GSE1: variants seen among roughly 807,000 people sequenced by gnomAD.
GSE1 encodes the protein Gse1 coiled-coil protein, also known as genetic suppressor element 1.
GSE1 carries 32 observed loss-of-function variants against 112.6 expected under a neutral mutation model. That is an observed-to-expected ratio of 0.28 (90% confidence interval 0.21 to 0.38). The LOEUF is 0.38. Ranked by LOEUF, GSE1 falls within the 10% of genes least tolerant of loss-of-function variation. The pLI, the probability that GSE1 is intolerant of heterozygous loss-of-function variation, is 1.00. For missense variants in GSE1, 2,348 were observed against 1,699.2 expected, an observed-to-expected ratio of 1.38 and a Z score of -6.71; for synonymous variants, 1,115 against 735.6, an observed-to-expected ratio of 1.52 and a Z score of -8.35.
At chr16:85,400,914 T>C (rs111652603) in intron 2 of GSE1, among the ~76,000 whole-genome samples, 26 of 152,272 alleles carry the variant, frequency 1.7e-4, no homozygotes, top group African/African-American at 4.3e-4. Context: ...TCTGTGTGTG[T>C]GCGGAAGGGG....
intron 1 of GSE1, among the ~76,000 whole-genome samples, chr16:85,326,657 T>A (rs2046233273): frequency 6.6e-6 from 1 of 152,210 alleles, no homozygotes. Context: ...GAACTGTAAG[T>A]CAATTAAACC....
chr16:85,572,165 GAAT>G (rs1261366435), intron 1 of GSE1, among the ~76,000 whole-genome samples: 2 of 114,866 alleles, frequency 1.7e-5, no homozygotes, highest in Non-Finnish European at 3.5e-5. Flanking sequence ...CACACACACT[GAAT>G]ACTACACACA....
Position 85,668,432 on chromosome 16 carries a change from G to T in GSE1, c.3415+8G>T. On this transcript the variant is annotated splice_region_variant and intron_variant, in intron 14 of 15. Coordinates refer to ENST00000253458, the MANE Select transcript of GSE1 (RefSeq NM_014615.5). ...ACCAGGAACACATAGAAGGTAAGGG[G>T]GTGCTGGGGAAGAGGGGGGAGGGGG... The T allele has an allele frequency of 6.3e-7, 1 of 1,582,418 alleles. No individual in the cohort carries two copies. The highest frequency in any genetic ancestry group is 8.6e-7 in the Non-Finnish European group (1 of 1,163,436).
At chr16:85,183,518 C>G (rs1406680223) in intron 1 of GSE1, among the ~76,000 whole-genome samples, 2 of 152,226 alleles carry the variant, frequency 1.3e-5, no homozygotes, top group African/African-American at 4.8e-5. Context: ...CCCCTGTGGT[C>G]CTCTGGGTTC....
chr16:85,512,740 A>G (rs1448996877), intron 2 of GSE1, among the ~76,000 whole-genome samples: 3 of 152,074 alleles, frequency 2.0e-5, no homozygotes, highest in African/African-American at 7.2e-5. Context: ...CACCCAGGGA[A>G]CGGGAGCGGT....
At chr16:85,198,882 G>A (rs892424914) in intron 1 of GSE1, among the ~76,000 whole-genome samples, 4 of 151,850 alleles carry the variant, frequency 2.6e-5, no homozygotes, top group African/African-American at 7.3e-5. Flanking sequence ...GGGCTCAAGC[G>A]ATCCTCCCAC....
At chr16:85,535,781 C>T (rs1165045266) in intron 2 of GSE1, among the ~76,000 whole-genome samples, 1 of 152,238 alleles carries the variant, frequency 6.6e-6, no homozygotes, top group Non-Finnish European at 1.5e-5. Context: ...ACCCTCACCC[C>T]TACTCTGCCT....
At position 85,666,132 on chromosome 16, in the gene GSE1, A is replaced by C. The variant is rs747835697; in HGVS notation, c.2915A>C (p.Glu972Ala). The change falls in exon 13 of 16, where the codon GAG becomes GCG. Residue 972 changes from glutamate (E) to alanine (A), a missense_variant. By Grantham distance (107) the Glu-to-Ala change is moderately radical. Transcript: ENST00000253458. The stretch of plus-strand genomic sequence containing the variant: ...CAGGAGCTAGCTCCTGCCAGCGGGG[A>C]GAAGGCCAGGCTGAGCGAGGCCCCT... ...RVQELAPASG[E>A]KARLSEAPGG... The C allele has an allele frequency of 6.2e-7, 1 of 1,613,298 alleles. No individual in the cohort carries two copies.
intron 1 of GSE1, among the ~76,000 whole-genome samples, chr16:85,216,470 T>C (rs1466402091): frequency 6.6e-6 from 1 of 152,250 alleles, no homozygotes; most frequent in Non-Finnish European, 1.5e-5. Context: ...TATAATGTTA[T>C]CTGATTATAA....
At chr16:85,468,366 G>C (rs538857071) in intron 2 of GSE1, among the ~76,000 whole-genome samples, 1 of 147,976 alleles carries the variant, frequency 6.8e-6, no homozygotes, top group Non-Finnish European at 1.5e-5. Context: ...ACCCAGGCTG[G>C]AGTGCGGTGA....
chr16:85,413,303 G>C (rs2048626409), intron 2 of GSE1, among the ~76,000 whole-genome samples: 1 of 152,196 alleles, frequency 6.6e-6, no homozygotes, highest in Non-Finnish European at 1.5e-5. Flanking sequence ...GCCAAGAGCT[G>C]AGTAGCTTTG....
rs961416791 is a variant in GSE1, at chr16:85,673,910, C to T, written c.*1371C>T. 4 of 151,652 alleles carry T rather than the reference C, an allele frequency of 2.6e-5. No individual in the cohort carries two copies. The highest frequency in any genetic ancestry group is 5.9e-5 in the Non-Finnish European group (4 of 68,046). The allele number at this position is 151,652 out of a possible 1,614,324, so 9.4% of individuals were successfully genotyped here. ...TCAGAGGCTTTGTTTAAACGCAAAG[C>T]TTTGTAAAAGCCACAAGGTCTGAGC... On this transcript the variant is annotated 3_prime_UTR_variant, in exon 16 of 16. Transcript: ENST00000253458.
intron 1 of GSE1, among the ~76,000 whole-genome samples, chr16:85,298,076 C>G (rs759028520): frequency 6.6e-6 from 1 of 152,206 alleles, no homozygotes; most frequent in African/African-American, 2.4e-5. Context: ...TCCAGAGAGG[C>G]GAGGACACCC....
intron 1 of GSE1, among the ~76,000 whole-genome samples, chr16:85,182,926 C>T (rs1434022564): frequency 2.6e-5 from 4 of 152,130 alleles, no homozygotes; most frequent in Non-Finnish European, 1.5e-5. Context: ...ACCTCCTTCT[C>T]CTGCACCACG....
exon 2 of GSE1, chr16:85,357,533 G>A (rs1404086056): frequency 5.5e-6 from 7 of 1,274,560 alleles, no homozygotes; most frequent in African/African-American, 3.1e-5. Context: ...ACCCGGCCAC[G>A]CGCCCCCACG....
intron 1 of GSE1, among the ~76,000 whole-genome samples, chr16:85,279,233 A>G (rs2044782403): frequency 1.3e-5 from 2 of 152,090 alleles, no homozygotes; most frequent in South Asian, 4.1e-4. Flanking sequence ...GAGAAAGCGT[A>G]TTTTCCTGTG....
exon 1 of GSE1, chr16:85,170,496 C>G: frequency 1.0e-6 from 1 of 985,720 alleles, no homozygotes; most frequent in Non-Finnish European, 1.2e-6. Context: ...ACAGTGACAT[C>G]AACATCACCA....
chr16:85,367,055 C>G (rs2047199844), intron 2 of GSE1, among the ~76,000 whole-genome samples: 1 of 152,222 alleles, frequency 6.6e-6, no homozygotes. Context: ...CTGGCCACCA[C>G]CCTGCCGTGG....
chr16:85,647,918 G>A (rs115695508), intron 2 of GSE1, among the ~76,000 whole-genome samples: 1,735 of 152,228 alleles, frequency 0.011, 31 homozygotes, highest in African/African-American at 0.04. Context: ...GTTCCCTGCT[G>A]CACTGCAGCC....
Sources: allele counts gnomAD v4.1 joint callset (sites outside exome capture counted in the v4.1 genomes callset), GRCh38; gene constraint gnomAD v4.1.1; transcripts MANE v1.5; gene names NCBI Gene and HGNC (gene_info 2026-07-23, HGNC 2026-07-21).